SLC38A6: variants seen among roughly 807,000 people sequenced by gnomAD.
SLC38A6 encodes solute carrier family 38 member 6.
Under a neutral mutation model 65.0 loss-of-function variants are expected in SLC38A6, and 73 were observed. The observed-to-expected ratio is 1.12, with a 90% CI of 0.93 to 1.37. SLC38A6 has a LOEUF of 1.37. SLC38A6 is among the 40% of genes most tolerant of loss of function. The probability of loss-of-function intolerance (pLI) is 0.00; values close to 1 mark genes in which losing one functional copy is unlikely to be tolerated. For missense variants in SLC38A6, 561 were observed against 531.1 expected (o/e 1.06, Z -0.55); for synonymous variants, 183 against 178.8 (o/e 1.02, Z -0.19).
intron 16 of SLC38A6, among the ~76,000 whole-genome samples, chr14:61,079,910 C>T (rs2043578289): frequency 6.6e-6 from 1 of 152,164 alleles, no homozygotes; most frequent in Non-Finnish European, 1.5e-5. Flanking sequence ...TTGGCTTCTG[C>T]TCCTTTCCCC....
intron 5 of SLC38A6, 133 bp from the exon 6 acceptor site, chr14:61,030,312 G>T: frequency 2.3e-5 from 12 of 519,914 alleles, no homozygotes; most frequent in East Asian, 1.1e-4. Context: ...TGTATCTTTG[G>T]TATAGTGTGT....
At chr14:61,062,340 G>C (rs764915900) in intron 15 of SLC38A6, among the ~76,000 whole-genome samples, 1 of 152,300 alleles carries the variant, frequency 6.6e-6, no homozygotes, top group Admixed American at 6.5e-5. Context: ...GGTGGTGTCA[G>C]TGTTTTAGAT....
intron 3 of SLC38A6, among the ~76,000 whole-genome samples, chr14:61,013,038 T>A (rs1160695926): frequency 6.6e-6 from 1 of 152,220 alleles, no homozygotes; most frequent in Non-Finnish European, 1.5e-5. Context: ...TGTAGGTCTC[T>A]AAGGACTTGC....
intron 15 of SLC38A6, among the ~76,000 whole-genome samples, chr14:61,058,098 G>T (rs1490250117): frequency 3.5e-5 from 4 of 115,614 alleles, no homozygotes; most frequent in African/African-American, 1.3e-4. Context: ...TTTTTTGAAG[G>T]GTTTTTTGTG....
chr14:61,083,187 A>C (rs2140014609), intron 16 of SLC38A6, among the ~76,000 whole-genome samples: 1 of 152,288 alleles, frequency 6.6e-6, no homozygotes, highest in South Asian at 2.1e-4. Flanking sequence ...GAGCAGCACC[A>C]GTGGGAGCCT....
intron 15 of SLC38A6, among the ~76,000 whole-genome samples, chr14:61,066,356 T>C (rs1394703151): frequency 1.3e-5 from 2 of 152,226 alleles, no homozygotes; most frequent in Non-Finnish European, 2.9e-5. Context: ...CACAGTAATC[T>C]GTTGTCCTGC....
At chr14:61,024,641 T>C (rs2040514635) in intron 5 of SLC38A6, among the ~76,000 whole-genome samples, 1 of 152,222 alleles carries the variant, frequency 6.6e-6, no homozygotes, top group Non-Finnish European at 1.5e-5. Context: ...TATTATGTGA[T>C]TCTTTTCTTA....
At chr14:60,981,480 G>T (rs1172571311) in intron 1 of SLC38A6, 98 bp downstream of exon 1, 1 of 1,538,920 alleles carries the variant, frequency 6.5e-7, no homozygotes, top group East Asian at 2.4e-5. Flanking sequence ...CACCGGGACA[G>T]GGGAGATGCT....
chr14:61,011,347 C>G (rs1319309961), intron 3 of SLC38A6, among the ~76,000 whole-genome samples: 2 of 152,162 alleles, frequency 1.3e-5, no homozygotes, highest in Non-Finnish European at 2.9e-5. Context: ...TTGACTTCCT[C>G]TTTTCCTAAT....
chr14:61,077,905 A>C (rs534744218), intron 15 of SLC38A6, among the ~76,000 whole-genome samples: 1 of 152,374 alleles, frequency 6.6e-6, no homozygotes, highest in South Asian at 2.1e-4. Context: ...GCCCTACTGT[A>C]GCAATCTAGA....
At chr14:60,982,913 A>G (rs1263011449) in intron 2 of SLC38A6, among the ~76,000 whole-genome samples, 2 of 152,202 alleles carry the variant, frequency 1.3e-5, no homozygotes, top group Non-Finnish European at 2.9e-5. Context: ...TGGCATATTC[A>G]TTGTATCTCC....
chr14:61,071,602 A>C (rs1241924336), intron 15 of SLC38A6, among the ~76,000 whole-genome samples: 2 of 151,906 alleles, frequency 1.3e-5, no homozygotes, highest in Non-Finnish European at 2.9e-5. Flanking sequence ...GGATTACATG[A>C]TCCCAGGGAG....
intron 5 of SLC38A6, among the ~76,000 whole-genome samples, chr14:61,024,536 T>A (rs1443198464): frequency 2.6e-5 from 4 of 152,108 alleles, no homozygotes; most frequent in African/African-American, 9.7e-5. Context: ...GCTTAGAGAG[T>A]TTGAATTTGG....
At chr14:61,050,470 C>T in intron 12 of SLC38A6, 42 bp from the exon 13 acceptor site, 5 of 1,358,220 alleles carry the variant, frequency 3.7e-6, no homozygotes, top group Non-Finnish European at 5.0e-6. Context: ...ACTATTGATA[C>T]CTTAGTACTT....
chr14:60,986,994 G>T, intron 3 of SLC38A6: 1 of 384,090 alleles, frequency 2.6e-6, no homozygotes, highest in Middle Eastern at 3.6e-4. Flanking sequence ...TAACTCTGGG[G>T]CGTATGAAGT....
At chr14:61,042,439 A>G (rs1362491682) in intron 8 of SLC38A6, among the ~76,000 whole-genome samples, 1 of 152,220 alleles carries the variant, frequency 6.6e-6, no homozygotes, top group East Asian at 1.9e-4. Context: ...GGTAATATTG[A>G]CAGAGCCACA....
intron 3 of SLC38A6, among the ~76,000 whole-genome samples, chr14:60,991,069 T>C (rs1193931744): frequency 1.3e-5 from 2 of 152,242 alleles, no homozygotes; most frequent in African/African-American, 4.8e-5. Flanking sequence ...TAATAGTTTA[T>C]CTTTTTGTTT....
intron 12 of SLC38A6, among the ~76,000 whole-genome samples, chr14:61,049,365 G>T (rs973784258): frequency 3.3e-5 from 5 of 152,092 alleles, no homozygotes; most frequent in East Asian, 1.9e-4. Context: ...TGTTTGTGCT[G>T]CTCCTTGCTT....
chr14:61,050,571 G>C lies in SLC38A6; in HGVS notation c.985G>C (p.Val329Leu), dbSNP rs755955240. The C allele has an allele frequency of 2.1e-5, 33 of 1,596,342 alleles. No individual in the cohort carries two copies. Among genetic ancestry groups the C allele is most frequent in the Non-Finnish European group, 2.7e-5 (31 of 1,167,972 alleles). ...TAAATACTTATCACATGATGTTGTT[G>C]TCATGACTGTGAAGTTATGCATACT... is the stretch of plus-strand genomic sequence containing the variant. ...YSKYLSHDVV[V>L]MTVKLCILFA... Residue 329 changes from valine (V) to leucine (L), a missense_variant, in exon 13 of 16, where the codon GTC (valine) becomes CTC (leucine). By Grantham distance (32) the Val-to-Leu change is conservative. Transcript: ENST00000267488.
Sources: gnomAD v4.1 joint callset for allele counts (sites outside exome capture counted in the v4.1 genomes callset) on GRCh38, gnomAD v4.1.1 for gene constraint, MANE v1.5 for transcripts, NCBI Gene and HGNC (gene_info 2026-07-23, HGNC 2026-07-21) for gene names.